Variants in BCAS3 observed in about 807,000 individuals in gnomAD.
The protein encoded by BCAS3 is BCAS3 microtubule associated cell migration factor, also known as BCAS4/BCAS3 fusion.
Under a neutral mutation model 116.1 loss-of-function variants are expected in BCAS3, and 53 were observed. The observed-to-expected ratio is 0.46, with a 90% CI of 0.37 to 0.57. The LOEUF is 0.57. BCAS3 is among the 20% of genes least tolerant of loss of function. The pLI, the probability that BCAS3 is intolerant of heterozygous loss-of-function variation, is 0.00. For missense variants in BCAS3, 917 were observed against 1,165.4 expected (o/e 0.79, Z 3.10); for synonymous variants, 391 against 408.2 (o/e 0.96, Z 0.51).
In BCAS3 at chr17:61,015,904, A is replaced by G. The variant is rs763768105; in HGVS notation, c.1637+3A>G. 6.2e-6 allele frequency: 10 copies of G among 1,612,780 alleles called. No individual in the cohort carries two copies. The South Asian group carries it at 9.9e-5, about 16-fold the overall frequency. On this transcript the variant is annotated splice_donor_region_variant and intron_variant, in intron 16 of 23. Coordinates refer to ENST00000407086, the MANE Select transcript of BCAS3 (RefSeq NM_017679.5). Reference sequence around the variant, plus strand: ...GGGACCATCACCAAACGAACCGGGTAAGGCCTTAGACTTGATGCTTTTTTA... The same window carrying G: ...GGGACCATCACCAAACGAACCGGGTGAGGCCTTAGACTTGATGCTTTTTTA...
rs762015528 is a variant in BCAS3 at position 61,034,628 on chromosome 17, CATG to C, written c.1638-35_1638-33del. ...ATTACCTAAAGGAGTATCATTTCATCATGATAATTGTTTTTTACTCTTATTTTA... is the reference window on the plus strand; with the variant it reads ...ATTACCTAAAGGAGTATCATTTCATCATAATTGTTTTTTACTCTTATTTTA... On this transcript the variant is annotated intron_variant, in intron 16 of 23. Transcript: ENST00000407086. This position sits in a 1 kb window ranked among gnomAD's most constrained non-coding sequence, Gnocchi z 5.0. The C allele has an allele frequency of 3.2e-6, 5 of 1,539,662 alleles. No homozygotes were observed. The highest frequency in any genetic ancestry group is 3.6e-6 in the Non-Finnish European group (4 of 1,122,936).
At chr17:61,207,934 A>G (rs1485529185) in intron 22 of BCAS3, among the ~76,000 whole-genome samples, 1 of 152,218 alleles carries the variant, frequency 6.6e-6, no homozygotes, top group East Asian at 1.9e-4. Context: ...ATGGCTAAAA[A>G]CATTGGCTTT....
In BCAS3 at chr17:61,013,349, C is replaced by T. The variant is rs1343480464; in HGVS notation, c.1487-2402C>T. 6.6e-6 allele frequency among the ~76,000 whole-genome samples: 1 copy of T among 152,094 alleles called. No individual in the cohort carries two copies. Among genetic ancestry groups the T allele is most frequent in the African/African-American group, 2.4e-5 (1 of 41,434 alleles). ...TATGATGTACACAATTCTTAATTTT[C>T]ACCAGCTTGTGACAGAAAGTTGCAG... On this transcript the variant is annotated intron_variant, in intron 15 of 23. Coordinates refer to ENST00000407086, the MANE Select transcript of BCAS3 (RefSeq NM_017679.5). The surrounding 1 kb of genome is among the most constrained non-coding windows in gnomAD (Gnocchi z 4.4).
intron 4 of BCAS3, among the ~76,000 whole-genome samples, chr17:60,705,382 G>C: frequency 6.6e-6 from 1 of 151,994 alleles, no homozygotes; most frequent in Admixed American, 6.6e-5. Context: ...ATCCAGATGT[G>C]GTGGCGCCTG....
At chr17:60,809,785 C>T (rs932262797) in intron 7 of BCAS3, among the ~76,000 whole-genome samples, 12 of 152,244 alleles carry the variant, frequency 7.9e-5, no homozygotes, top group African/African-American at 2.9e-4. Context: ...TGTGCAGATC[C>T]TTTGGCAAAG....
At chr17:61,036,668 A>G (rs1157233016) in intron 17 of BCAS3, among the ~76,000 whole-genome samples, 3 of 152,168 alleles carry the variant, frequency 2.0e-5, no homozygotes, top group African/African-American at 7.2e-5. Flanking sequence ...CCCAGCATTC[A>G]TGAGTGATTT....
chr17:61,149,679 G>A (rs955106945), intron 22 of BCAS3, among the ~76,000 whole-genome samples: 1 of 152,156 alleles, frequency 6.6e-6, no homozygotes, highest in African/African-American at 2.4e-5. Flanking sequence ...CACATGTGTT[G>A]GGAATGTAAA....
rs1485290300 is a variant in BCAS3 at position 61,199,614 on chromosome 17, A to G, written c.2425+115050A>G. 2.0e-5 allele frequency among the ~76,000 whole-genome samples: 3 copies of G among 152,262 alleles called. No individual in the cohort carries two copies. The highest frequency in any genetic ancestry group is 2.9e-5 in the Non-Finnish European group (2 of 68,050). The stretch of plus-strand genomic sequence containing the variant: ...CTGTGATGAACAAGTTATTCAAGAA[A>G]TACTTGCAAGGTGGACAATGTTAAC... On this transcript the variant is annotated intron_variant, in intron 22 of 23. Transcript: ENST00000407086. The surrounding 1 kb of genome is among the most constrained non-coding windows in gnomAD (Gnocchi z 4.6).
rs1448069427 is a variant in BCAS3 at position 61,220,836 on chromosome 17, C to T, written c.2425+136272C>T. The stretch of plus-strand genomic sequence containing the variant: ...TGTAGTTCGGCTGGGCGCGGTGGCT[C>T]ACGCCTGTAATCCCAGCACTTTGGG... On this transcript the variant is annotated intron_variant, in intron 22 of 23. Transcript: ENST00000407086. This position sits in a 1 kb window ranked among gnomAD's most constrained non-coding sequence, Gnocchi z 4.5. 6.6e-6 allele frequency among the ~76,000 whole-genome samples: 1 copy of T among 150,888 alleles called. No individual in the cohort carries two copies. Among genetic ancestry groups the T allele is most frequent in the African/African-American group, 2.4e-5 (1 of 40,950 alleles).
chr17:61,217,137 G>A lies in BCAS3; in HGVS notation c.2425+132573G>A, dbSNP rs1395908283. On this transcript the variant is annotated intron_variant, in intron 22 of 23. Transcript: ENST00000407086. The surrounding 1 kb of genome is among the most constrained non-coding windows in gnomAD (Gnocchi z 5.2). ...TCTACTAAAAAAATACAAAAAATTA[G>A]CTGGGTGTGGTGGCACACTCCTGCA... Among the ~76,000 whole-genome samples the A allele has an allele frequency of 1.3e-5, 2 of 151,900 alleles. No individual in the cohort carries two copies. The highest frequency in any genetic ancestry group is 4.8e-5 in the African/African-American group (2 of 41,374).
chr17:60,944,315 C>A (rs1324798191), intron 13 of BCAS3, among the ~76,000 whole-genome samples: 1 of 151,640 alleles, frequency 6.6e-6, no homozygotes, highest in Non-Finnish European at 1.5e-5. Flanking sequence ...AGGATGAATT[C>A]CTTGAATTAC....
intron 22 of BCAS3, among the ~76,000 whole-genome samples, chr17:61,174,353 ATT>A (rs1443335521): frequency 4.6e-5 from 7 of 152,082 alleles, no homozygotes; most frequent in African/African-American, 1.4e-4. Flanking sequence ...CCGTTCTACT[ATT>A]CTCTGCTTCT....
At chr17:60,767,956 G>A (rs943943466) in intron 6 of BCAS3, among the ~76,000 whole-genome samples, 1 of 152,088 alleles carries the variant, frequency 6.6e-6, no homozygotes, top group Admixed American at 6.6e-5. Context: ...ATGTGCCACA[G>A]TACCTGGCTA....
Position 60,722,407 on chromosome 17 carries a change from G to A in BCAS3, c.321+13082G>A, listed in dbSNP as rs868621408. ...TCCTCAGCAGCACTTGGTATTGTCA[G>A]TCTTTTTGATTTTGGCCATTCTGTT... is the stretch of plus-strand genomic sequence containing the variant. On this transcript the variant is annotated intron_variant, in intron 5 of 23. Transcript: ENST00000407086. Among the ~76,000 whole-genome samples, 17 of 152,154 alleles carry A rather than the reference G, an allele frequency of 1.1e-4. No homozygotes were observed. The South Asian group carries it at 1.7e-3, about 15-fold the overall frequency.
At chr17:60,894,454 T>A (rs1209116357) in intron 10 of BCAS3, among the ~76,000 whole-genome samples, 1 of 152,174 alleles carries the variant, frequency 6.6e-6, no homozygotes, top group African/African-American at 2.4e-5. Flanking sequence ...AATCTAAGAT[T>A]TTGTGCGTGT....
chr17:61,333,684 G>C lies in BCAS3; in HGVS notation c.2426-34643G>C, dbSNP rs1238671260. On this transcript the variant is annotated intron_variant, in intron 22 of 23. Coordinates refer to ENST00000407086, the MANE Select transcript of BCAS3 (RefSeq NM_017679.5). The surrounding 1 kb of genome is among the most constrained non-coding windows in gnomAD (Gnocchi z 4.8). ...CGCCTAGGCTGGAGTGCAGTGGTGCGATCTCGGCTCACTGCAACCTCTGCC... is the reference window on the plus strand; with the variant it reads ...CGCCTAGGCTGGAGTGCAGTGGTGCCATCTCGGCTCACTGCAACCTCTGCC... 1.3e-5 allele frequency among the ~76,000 whole-genome samples: 2 copies of C among 150,398 alleles called. No individual in the cohort carries two copies. Among genetic ancestry groups the C allele is most frequent in the Non-Finnish European group, 3.0e-5 (2 of 67,770 alleles).
At chr17:61,375,432 G>A (rs891574323) in intron 23 of BCAS3, among the ~76,000 whole-genome samples, 17 of 151,988 alleles carry the variant, frequency 1.1e-4, no homozygotes, top group African/African-American at 4.1e-4. Flanking sequence ...CTCCTGCCTG[G>A]GTCAGTATGG....
chr17:61,074,796 T>C, intron 19 of BCAS3, 124 bp from the exon 20 acceptor site: 1 of 481,192 alleles, frequency 2.1e-6, no homozygotes, highest in Non-Finnish European at 3.6e-6. Flanking sequence ...TTGAATTGCC[T>C]TTTTGCTTTA....
chr17:61,211,314 CT>C lies in BCAS3; in HGVS notation c.2425+126754del, dbSNP rs2144334904. Reference sequence around the variant, plus strand: ...CTGACTGTATTTGTGATCTGTAAGACTTTTCAAACACAGGTTTAAACATCCA... The same window carrying C: ...CTGACTGTATTTGTGATCTGTAAGACTTTCAAACACAGGTTTAAACATCCA... On this transcript the variant is annotated intron_variant, in intron 22 of 23. Coordinates refer to ENST00000407086, the MANE Select transcript of BCAS3 (RefSeq NM_017679.5). The surrounding 1 kb of genome is among the most constrained non-coding windows in gnomAD (Gnocchi z 4.4). Among the ~76,000 whole-genome samples the C allele has an allele frequency of 6.6e-6, 1 of 152,276 alleles. No individual in the cohort carries two copies. The highest frequency in any genetic ancestry group is 2.4e-5 in the African/African-American group (1 of 41,566).
Sources: gnomAD v4.1 joint callset for allele counts (sites outside exome capture counted in the v4.1 genomes callset) on GRCh38, gnomAD v4.1.1 for gene constraint, Gnocchi (gnomAD v3.1) non-coding constraint, MANE v1.5 for transcripts, NCBI Gene and HGNC (gene_info 2026-07-23, HGNC 2026-07-21) for gene names.